Variants in SLC4A5 observed in about 807,000 individuals in gnomAD.
SLC4A5 encodes electrogenic sodium bicarbonate cotransporter 4.
A neutral mutation model predicts 120.4 loss-of-function variants in SLC4A5; 96 were observed. That is an observed-to-expected ratio of 0.80 (90% CI 0.68 to 0.94). SLC4A5 has a LOEUF of 0.94. Ranked by LOEUF, SLC4A5 falls within the 40% of genes least tolerant of loss-of-function variation. The pLI, the probability that SLC4A5 is intolerant of heterozygous loss-of-function variation, is 0.00. For missense variants in SLC4A5, 1,259 were observed against 1,459.5 expected (o/e 0.86, Z 2.24); for synonymous variants, 550 against 571.1 (o/e 0.96, Z 0.53).
intron 25 of SLC4A5, among the ~76,000 whole-genome samples, chr2:74,230,719 T>TA (rs199997590): frequency 0.023 from 3,521 of 152,288 alleles, 62 homozygotes; most frequent in Middle Eastern, 0.048. Context: ...TTGGTGATGA[T>TA]AAAAAACTGC....
chr2:74,299,687 C>A (rs1430225713), intron 7 of SLC4A5, among the ~76,000 whole-genome samples: 1 of 152,176 alleles, frequency 6.6e-6, no homozygotes, highest in African/African-American at 2.4e-5. Context: ...CACCCCATAC[C>A]TGTTAGAATG....
intron 7 of SLC4A5, among the ~76,000 whole-genome samples, chr2:74,302,688 A>C (rs1026830359): frequency 6.6e-6 from 1 of 152,220 alleles, no homozygotes; most frequent in African/African-American, 2.4e-5. Flanking sequence ...GTGTCCACTT[A>C]ACTGAACAAG....
In SLC4A5 at chr2:74,253,086, GA is replaced by G; in HGVS notation, c.1155del (p.Leu386Ter). The G allele has an allele frequency of 6.2e-7, 1 of 1,614,150 alleles. No homozygotes were observed. The highest frequency in any genetic ancestry group is 8.5e-7 in the Non-Finnish European group (1 of 1,180,012). On this transcript the variant is annotated frameshift_variant, in exon 15 of 31. Transcript: ENST00000394019. LOFTEE classifies it high-confidence loss of function. ...AGAAATTCATCAATTCCTGCGATCA[GA>G]TCTTCCCGATTGCGGGCTTTGTAGG...
At chr2:74,240,337 T>G (rs1008553474) in intron 20 of SLC4A5, among the ~76,000 whole-genome samples, 12 of 152,172 alleles carry the variant, frequency 7.9e-5, no homozygotes, top group African/African-American at 2.7e-4. Flanking sequence ...CCTTCAAGAT[T>G]GATGTACACA....
intron 18 of SLC4A5, among the ~76,000 whole-genome samples, chr2:74,247,580 T>C (rs527455237): frequency 6.6e-6 from 1 of 152,088 alleles, no homozygotes; most frequent in South Asian, 2.1e-4. Context: ...AATGGCGTGA[T>C]CTTGGCTCAC....
chr2:74,337,786 C>A (rs1558920627), intron 3 of SLC4A5, among the ~76,000 whole-genome samples: 1 of 152,194 alleles, frequency 6.6e-6, no homozygotes, highest in Non-Finnish European at 1.5e-5. Flanking sequence ...TAACTATCTG[C>A]CCCTGTTGTC....
At chr2:74,302,189 A>C (rs968779761) in intron 7 of SLC4A5, among the ~76,000 whole-genome samples, 1 of 152,180 alleles carries the variant, frequency 6.6e-6, no homozygotes, top group African/African-American at 2.4e-5. Context: ...CATGGCCTAC[A>C]ATTCCCTGTC....
At chr2:74,335,717 A>T (rs1281167033) in intron 3 of SLC4A5, among the ~76,000 whole-genome samples, 2 of 152,232 alleles carry the variant, frequency 1.3e-5, no homozygotes, top group Non-Finnish European at 2.9e-5. Context: ...GGAGGAAAAG[A>T]TTTCATTTTC....
chr2:74,238,334 G>T (rs1670335300), intron 21 of SLC4A5, among the ~76,000 whole-genome samples: 2 of 152,032 alleles, frequency 1.3e-5, no homozygotes, highest in South Asian at 4.1e-4. Context: ...CAGAGGCAAA[G>T]ATAATCCCAT....
In SLC4A5 at chr2:74,233,848, G is replaced by A. The variant is rs535803332; in HGVS notation, c.2434-285C>T. On this transcript the variant is annotated intron_variant, in intron 22 of 30. Transcript: ENST00000394019. ...GGTGAAGGTCAGAGGGCAGCCAGGA[G>A]AGAGAGCACAGTCACCTGCTGCAAA... 1.3e-4 allele frequency among the ~76,000 whole-genome samples: 20 copies of A among 152,332 alleles called. No individual in the cohort carries two copies. In the South Asian group the frequency reaches 3.9e-3, roughly 30 times the overall value.
intron 21 of SLC4A5, among the ~76,000 whole-genome samples, chr2:74,237,712 C>T (rs1301574035): frequency 4.6e-5 from 7 of 152,060 alleles, no homozygotes; most frequent in Admixed American, 3.9e-4. Flanking sequence ...CTTCCGAGTA[C>T]CCCCCACCCC....
chr2:74,299,259 G>A (rs1176896926), intron 7 of SLC4A5, among the ~76,000 whole-genome samples: 1 of 152,196 alleles, frequency 6.6e-6, no homozygotes, highest in African/African-American at 2.4e-5. Context: ...GCTGAGACAG[G>A]AGAATTGCTT....
intron 5 of SLC4A5, among the ~76,000 whole-genome samples, chr2:74,317,420 T>C (rs185676959): frequency 1.6e-4 from 24 of 152,142 alleles, no homozygotes; most frequent in South Asian, 6.2e-4. Context: ...AAAATGTTTC[T>C]CAAAGATAGA....
chr2:74,267,433 G>C (rs1024069193), intron 8 of SLC4A5, among the ~76,000 whole-genome samples: 3 of 152,190 alleles, frequency 2.0e-5, no homozygotes, highest in Non-Finnish European at 4.4e-5. Context: ...CATCAATTCT[G>C]TATGTCCATG....
chr2:74,311,883 A>G (rs1436295988), intron 6 of SLC4A5, among the ~76,000 whole-genome samples: 1 of 152,110 alleles, frequency 6.6e-6, no homozygotes, highest in Non-Finnish European at 1.5e-5. Flanking sequence ...GGATCTGTCA[A>G]TTACTGGTAG....
chr2:74,298,373 A>C (rs1672389769), intron 7 of SLC4A5, among the ~76,000 whole-genome samples: 1 of 152,250 alleles, frequency 6.6e-6, no homozygotes, highest in Non-Finnish European at 1.5e-5. Flanking sequence ...ATCCACGTGC[A>C]GAAGAATAAA....
intron 12 of SLC4A5, 87 bp from the exon 13 acceptor site, chr2:74,256,019 A>C (rs1670954944): frequency 6.9e-7 from 1 of 1,458,234 alleles, no homozygotes; most frequent in South Asian, 1.3e-5. Flanking sequence ...TTGAGGCCTA[A>C]CTTGAAAAAA....
chr2:74,284,620 G>A (rs1294787750), intron 8 of SLC4A5, among the ~76,000 whole-genome samples: 3 of 152,128 alleles, frequency 2.0e-5, no homozygotes, highest in African/African-American at 7.2e-5. Flanking sequence ...CCTGTCCGAA[G>A]GTCCCTCCCG....
chr2:74,274,106 C>T (rs1268116183), intron 8 of SLC4A5, among the ~76,000 whole-genome samples: 2 of 152,222 alleles, frequency 1.3e-5, no homozygotes, highest in Non-Finnish European at 2.9e-5. Flanking sequence ...CTCATCTAAT[C>T]CTTAAATCTA....
Sources: allele counts gnomAD v4.1 joint callset (sites outside exome capture counted in the v4.1 genomes callset), GRCh38; gene constraint gnomAD v4.1.1; transcripts MANE v1.5; gene names NCBI Gene and HGNC (gene_info 2026-07-23, HGNC 2026-07-21).